The following TTC29 variants were observed in gnomAD, a reference collection of about 807,000 sequenced individuals.
TTC29 encodes tetratricopeptide repeat domain 29, also known as tetratricopeptide repeat protein 29.
TTC29 carries 49 observed loss-of-function variants against 58.1 expected under a neutral mutation model. The observed-to-expected ratio is 0.84, with a 90% CI of 0.67 to 1.07. The LOEUF (loss-of-function observed/expected upper bound fraction) is 1.07, where lower values mean the gene tolerates loss of function less well. Ranked by LOEUF, TTC29 falls within the 50% of genes least tolerant of loss-of-function variation. TTC29 has a pLI of 0.00. For synonymous variants in TTC29, 209 were observed against 196.8 expected, an observed-to-expected ratio of 1.06 and a Z score of -0.52; for missense variants, 582 against 555.6, an observed-to-expected ratio of 1.05 and a Z score of -0.48.
At chr4:146,819,624 C>G (rs1751681323) in intron 10 of TTC29, among the ~76,000 whole-genome samples, 1 of 152,144 alleles carries the variant, frequency 6.6e-6, no homozygotes, top group Non-Finnish European at 1.5e-5. Context: ...CCTGTTTTCT[C>G]TTTCATGTAA....
At chr4:146,772,057 A>T (rs1156919699) in intron 11 of TTC29, among the ~76,000 whole-genome samples, 1 of 152,110 alleles carries the variant, frequency 6.6e-6, no homozygotes. Context: ...TCTTTTGAAA[A>T]GTGTCTGTTC....
intron 11 of TTC29, among the ~76,000 whole-genome samples, chr4:146,760,954 C>A (rs1292498152): frequency 1.3e-5 from 2 of 151,256 alleles, no homozygotes; most frequent in Non-Finnish European, 3.0e-5. Context: ...AGATTGGAGA[C>A]TATTATTCTA....
intron 11 of TTC29, among the ~76,000 whole-genome samples, chr4:146,778,746 C>T (rs936218029): frequency 3.3e-5 from 5 of 151,806 alleles, no homozygotes; most frequent in African/African-American, 9.7e-5. Context: ...AAATACCATG[C>T]GTTCTCACTT....
intron 11 of TTC29, among the ~76,000 whole-genome samples, chr4:146,749,727 A>G (rs1745835793): frequency 6.6e-6 from 1 of 152,212 alleles, no homozygotes; most frequent in Non-Finnish European, 1.5e-5. Flanking sequence ...CAAAGGGGTC[A>G]GCTTCAAGGC....
chr4:146,825,493 G>T (rs1391530317), intron 9 of TTC29, among the ~76,000 whole-genome samples: 1 of 152,112 alleles, frequency 6.6e-6, no homozygotes, highest in Non-Finnish European at 1.5e-5. Context: ...CAGTTCTTTT[G>T]CATTTGCTGA....
chr4:146,903,421 A>T, intron 6 of TTC29, 123 bp downstream of exon 6: 1 of 886,050 alleles, frequency 1.1e-6, no homozygotes, highest in Non-Finnish European at 1.7e-6. Context: ...TTTTGATCTC[A>T]ATAATATACA....
chr4:146,819,598 C>T (rs1400034854), intron 10 of TTC29, among the ~76,000 whole-genome samples: 1 of 152,100 alleles, frequency 6.6e-6, no homozygotes, highest in East Asian at 1.9e-4. Context: ...TTATTTTGGA[C>T]TTTTTTGTTC....
At chr4:146,938,636 G>T (rs546257716) in intron 3 of TTC29, among the ~76,000 whole-genome samples, 1 of 151,904 alleles carries the variant, frequency 6.6e-6, no homozygotes, top group African/African-American at 2.4e-5. Flanking sequence ...AGATTTCTCC[G>T]CTATAGGAAA....
intron 11 of TTC29, among the ~76,000 whole-genome samples, chr4:146,725,928 A>C (rs1743752462): frequency 6.6e-6 from 1 of 152,094 alleles, no homozygotes; most frequent in Non-Finnish European, 1.5e-5. Context: ...GTTGGAGTGC[A>C]ATGGTGTAAT....
Position 146,792,829 on chromosome 4 carries a change from G to C in TTC29, c.1330+10628C>G, listed in dbSNP as rs150263497. Among the ~76,000 whole-genome samples the C allele has an allele frequency of 4.6e-3, 701 of 152,242 alleles. 10 individuals carry two copies. The highest frequency in any genetic ancestry group is 0.016 in the African/African-American group (671 of 41,546). Reference sequence around the variant, plus strand: ...GCCATTAAGAACATTTATGATCTATGGGAGGTGGTCAAAATATATCAATAG... The same window carrying C: ...GCCATTAAGAACATTTATGATCTATCGGAGGTGGTCAAAATATATCAATAG... On this transcript the variant is annotated intron_variant, in intron 11 of 12. Coordinates refer to ENST00000325106, the MANE Select transcript of TTC29 (RefSeq NM_031956.4).
chr4:146,815,973 T>G (rs1449535712), intron 10 of TTC29, among the ~76,000 whole-genome samples: 1 of 152,208 alleles, frequency 6.6e-6, no homozygotes, highest in African/African-American at 2.4e-5. Context: ...AGGGGCAATA[T>G]TTTTATACTT....
chr4:146,792,281 G>A (rs1001656658), intron 11 of TTC29, among the ~76,000 whole-genome samples: 2 of 152,180 alleles, frequency 1.3e-5, no homozygotes, highest in Non-Finnish European at 2.9e-5. Flanking sequence ...TGACGTTGAA[G>A]CCCATGCTCA....
chr4:146,723,413 T>C (rs1034315627), intron 11 of TTC29, among the ~76,000 whole-genome samples: 4 of 152,046 alleles, frequency 2.6e-5, no homozygotes, highest in African/African-American at 9.7e-5. Flanking sequence ...CTAAAGAGCT[T>C]CTGTACAGCA....
At chr4:146,738,941 C>T (rs1393408778) in intron 11 of TTC29, among the ~76,000 whole-genome samples, 1 of 152,124 alleles carries the variant, frequency 6.6e-6, no homozygotes, top group Non-Finnish European at 1.5e-5. Context: ...CGTGCCTTAC[C>T]CTGTGCATCT....
chr4:146,777,109 G>A (rs1748162567), intron 11 of TTC29, among the ~76,000 whole-genome samples: 1 of 152,226 alleles, frequency 6.6e-6, no homozygotes, highest in Non-Finnish European at 1.5e-5. Flanking sequence ...GGTGGGGACA[G>A]GTAGTTGTGT....
rs1579969297 is a variant in TTC29, at chr4:146,912,396, T to G, written c.177-3147A>C. ...ACTTATTCTAAAAAAAAATTTCTTG[T>G]TTTTGAAACTCAGACTGAACTGTAT... is the stretch of plus-strand genomic sequence containing the variant. On this transcript the variant is annotated intron_variant, in intron 4 of 12. Coordinates refer to ENST00000325106, the MANE Select transcript of TTC29 (RefSeq NM_031956.4). Among the ~76,000 whole-genome samples, 4 of 152,300 alleles carry G rather than the reference T, an allele frequency of 2.6e-5. No homozygotes were observed. In the East Asian group the frequency reaches 7.7e-4, roughly 29 times the overall value.
intron 11 of TTC29, among the ~76,000 whole-genome samples, chr4:146,709,133 A>G (rs1281021579): frequency 6.6e-6 from 1 of 152,138 alleles, no homozygotes; most frequent in African/African-American, 2.4e-5. Context: ...ATTTCAATGT[A>G]AAGGTAGAAG....
At chr4:146,942,554 G>C (rs1179084743) in intron 2 of TTC29, 1 of 1,474,870 alleles carries the variant, frequency 6.8e-7, no homozygotes, top group Non-Finnish European at 9.1e-7. Context: ...GGACACCAAA[G>C]CTCCCCAAAC....
chr4:146,874,661 G>GA (rs1731136198), intron 7 of TTC29, 55 bp downstream of exon 7: 1 of 1,369,136 alleles, frequency 7.3e-7, no homozygotes, highest in Admixed American at 2.0e-5. Context: ...ACTCTTGGGA[G>GA]AAACAGTGTC....
Sources: allele counts gnomAD v4.1 joint callset (sites outside exome capture counted in the v4.1 genomes callset), GRCh38; gene constraint gnomAD v4.1.1; transcripts MANE v1.5; gene names NCBI Gene and HGNC (gene_info 2026-07-23, HGNC 2026-07-21).